Variants in STK32B observed in about 807,000 individuals in gnomAD.
The protein encoded by STK32B is serine/threonine-protein kinase 32B.
Under a neutral mutation model 52.6 loss-of-function variants are expected in STK32B, and 43 were observed. The observed-to-expected ratio is 0.82, with a 90% CI of 0.64 to 1.05. The LOEUF (loss-of-function observed/expected upper bound fraction) is 1.05. Ranked by LOEUF, STK32B falls within the 50% of genes least tolerant of loss-of-function variation. STK32B has a pLI of 0.00. For synonymous variants in STK32B, 238 were observed against 204.3 expected (o/e 1.17, Z -1.41); for missense variants, 621 against 534.6 (o/e 1.16, Z -1.59).
chr4:5,110,151 C>A (rs576297417), intron 1 of STK32B, among the ~76,000 whole-genome samples: 2 of 150,234 alleles, frequency 1.3e-5, no homozygotes, highest in East Asian at 4.0e-4. Flanking sequence ...TTGGAAGGAT[C>A]AATATCATTA....
intron 3 of STK32B, among the ~76,000 whole-genome samples, chr4:5,233,873 A>T (rs1724440093): frequency 6.6e-6 from 1 of 151,948 alleles, no homozygotes; most frequent in Non-Finnish European, 1.5e-5. Flanking sequence ...GTCTCCAAGA[A>T]AAAGGGTCTC....
the STK32B span, among the ~76,000 whole-genome samples, chr4:5,041,689 GTTA>G: frequency 6.6e-6 from 1 of 152,088 alleles, no homozygotes; most frequent in Non-Finnish European, 1.5e-5. Context: ...TGCTCTTGAA[GTTA>G]TTATTTTTAA....
At chr4:5,213,941 G>A (rs988008428) in intron 3 of STK32B, among the ~76,000 whole-genome samples, 5 of 152,172 alleles carry the variant, frequency 3.3e-5, no homozygotes, top group South Asian at 4.1e-4. Flanking sequence ...TCTTGAGGTC[G>A]CAGTGATATT....
chr4:5,020,147 G>A, the STK32B span, among the ~76,000 whole-genome samples: 1 of 152,204 alleles, frequency 6.6e-6, no homozygotes, highest in Non-Finnish European at 1.5e-5. Flanking sequence ...GGCCCCGAGG[G>A]AGAGCAGACC....
chr4:5,496,245 C>T (rs1720235657), intron 11 of STK32B, among the ~76,000 whole-genome samples: 1 of 152,226 alleles, frequency 6.6e-6, no homozygotes. Flanking sequence ...TTCCAGCTTC[C>T]AGGCCACTTT....
intron 6 of STK32B, among the ~76,000 whole-genome samples, chr4:5,433,796 A>G (rs1027246678): frequency 2.6e-5 from 4 of 152,124 alleles, no homozygotes; most frequent in African/African-American, 9.7e-5. Context: ...TAATAATTAT[A>G]CTTCAGGAGG....
intron 6 of STK32B, among the ~76,000 whole-genome samples, chr4:5,437,102 C>T (rs1714150991): frequency 6.6e-6 from 1 of 152,238 alleles, no homozygotes; most frequent in African/African-American, 2.4e-5. Context: ...TCAATTACTC[C>T]TGGCGGTTGC....
chr4:5,349,465 T>C (rs549747401), intron 4 of STK32B, among the ~76,000 whole-genome samples: 2 of 151,108 alleles, frequency 1.3e-5, no homozygotes, highest in South Asian at 4.3e-4. Context: ...GCCAACACAA[T>C]ATACACATCT....
At chr4:5,047,057 T>C (rs181656159), upstream of STK32B, among the ~76,000 whole-genome samples, 89 of 152,326 alleles carry the variant, frequency 5.8e-4, 1 homozygote, top group African/African-American at 2.0e-3. Context: ...ACTGCAGCAC[T>C]GTTTACAATA....
chr4:5,223,045 C>T (rs1412491529), intron 3 of STK32B, among the ~76,000 whole-genome samples: 2 of 152,102 alleles, frequency 1.3e-5, no homozygotes, highest in Non-Finnish European at 2.9e-5. Context: ...AGCTCAGGAC[C>T]ATCTCAAGTC....
At chr4:5,241,568 T>A (rs1725025171) in intron 3 of STK32B, among the ~76,000 whole-genome samples, 2 of 151,700 alleles carry the variant, frequency 1.3e-5, no homozygotes, top group Admixed American at 1.3e-4. Flanking sequence ...TTATTTTATT[T>A]TATTTATTTT....
chr4:5,182,259 CAA>C (rs1383082662), intron 3 of STK32B, among the ~76,000 whole-genome samples: 1 of 152,150 alleles, frequency 6.6e-6, no homozygotes, highest in Admixed American at 6.5e-5. Context: ...TTGAACCTGT[CAA>C]AGTCACCCCT....
intron 3 of STK32B, among the ~76,000 whole-genome samples, chr4:5,222,378 C>G (rs1723593495): frequency 6.6e-6 from 1 of 152,082 alleles, no homozygotes; most frequent in South Asian, 2.1e-4. Context: ...CTATTAAGGG[C>G]AATTCTAGGG....
intron 6 of STK32B, among the ~76,000 whole-genome samples, chr4:5,434,559 C>T (rs1011518625): frequency 1.3e-5 from 2 of 151,814 alleles, no homozygotes; most frequent in African/African-American, 4.8e-5. Flanking sequence ...AGGTTGTCAT[C>T]ATTCTGGTTG....
At position 5,386,492 on chromosome 4, in the gene STK32B, T is replaced by C. The variant is rs1024088; in HGVS notation, c.435-11715T>C. Among the ~76,000 whole-genome samples the C allele has an allele frequency of 0.073, 11,071 of 152,202 alleles. 840 individuals are homozygous for C. The highest frequency in any genetic ancestry group is 0.19 in the Admixed American group (2,935 of 15,298). On this transcript the variant is annotated intron_variant, in intron 4 of 11. Transcript: ENST00000282908. This position sits in a 1 kb window ranked among gnomAD's most constrained non-coding sequence, Gnocchi z 4.5. ...ATCCAGACCTGAGCCCAGTTTGAAGTGCACATATTTGTAATTTGACCTAGT... is the reference window on the plus strand; with the variant it reads ...ATCCAGACCTGAGCCCAGTTTGAAGCGCACATATTTGTAATTTGACCTAGT...
chr4:5,457,133 G>T (rs1424097217), intron 8 of STK32B, among the ~76,000 whole-genome samples: 2 of 151,942 alleles, frequency 1.3e-5, no homozygotes, highest in Non-Finnish European at 2.9e-5. Context: ...TGGCGGCTCT[G>T]ACCGCAAGCC....
At chr4:5,346,028 A>G (rs961742297) in intron 4 of STK32B, among the ~76,000 whole-genome samples, 1 of 152,032 alleles carries the variant, frequency 6.6e-6, no homozygotes. Context: ...TTGTGGGTGT[A>G]TGGTTGTTAT....
At chr4:5,252,539 T>A (rs553644431) in intron 3 of STK32B, among the ~76,000 whole-genome samples, 1 of 152,336 alleles carries the variant, frequency 6.6e-6, no homozygotes, top group African/African-American at 2.4e-5. Flanking sequence ...TCTTTATTTC[T>A]GTGTCCTCCT....
chr4:5,200,572 T>C (rs1196198702), intron 3 of STK32B, among the ~76,000 whole-genome samples: 6 of 152,086 alleles, frequency 3.9e-5, no homozygotes, highest in Admixed American at 3.9e-4. Flanking sequence ...ACGGCTTTAT[T>C]AGTATATTGG....
Sources: gnomAD v4.1 joint callset for allele counts (sites outside exome capture counted in the v4.1 genomes callset) on GRCh38, gnomAD v4.1.1 for gene constraint, Gnocchi (gnomAD v3.1) non-coding constraint, MANE v1.5 for transcripts, NCBI Gene and HGNC (gene_info 2026-07-23, HGNC 2026-07-21) for gene names.